The following OPCML variants were observed in gnomAD, a reference collection of about 807,000 sequenced individuals.
The protein encoded by OPCML is opioid-binding protein/cell adhesion molecule.
In OPCML, 13 loss-of-function variants were observed where a neutral mutation model predicts 37.8. The ratio of observed to expected loss-of-function variants is 0.34; its 90% CI spans 0.22 to 0.55. The LOEUF (loss-of-function observed/expected upper bound fraction) is 0.55. OPCML is among the 20% of genes least tolerant of loss of function. The pLI is 0.91. For missense variants in OPCML, 341 were observed against 435.6 expected, an observed-to-expected ratio of 0.78 and a Z score of 1.93; for synonymous variants, 176 against 168.8, an observed-to-expected ratio of 1.04 and a Z score of -0.33.
chr11:133,240,886 C>T (rs965999558), intron 1 of OPCML, among the ~76,000 whole-genome samples: 6 of 152,192 alleles, frequency 3.9e-5, no homozygotes, highest in Non-Finnish European at 7.3e-5. Context: ...AAGTCAGCAC[C>T]CGTGCATCTT....
intron 3 of OPCML, among the ~76,000 whole-genome samples, chr11:132,607,505 C>T (rs986723427): frequency 6.6e-6 from 1 of 152,160 alleles, no homozygotes; most frequent in African/African-American, 2.4e-5. Flanking sequence ...CCTGTGGTTC[C>T]TGTATCCTTG....
At chr11:133,106,054 A>G (rs1949153104) in intron 1 of OPCML, among the ~76,000 whole-genome samples, 1 of 152,200 alleles carries the variant, frequency 6.6e-6, no homozygotes, top group Admixed American at 6.6e-5. Context: ...CATTTTTAAA[A>G]TAACATAATA....
intron 1 of OPCML, among the ~76,000 whole-genome samples, chr11:133,464,030 C>T (rs1946920509): frequency 6.6e-6 from 1 of 151,294 alleles, no homozygotes. Context: ...CATCTTGGTG[C>T]AGAGTTCCAT....
chr11:133,095,954 A>C (rs1266185580), intron 1 of OPCML, among the ~76,000 whole-genome samples: 1 of 152,052 alleles, frequency 6.6e-6, no homozygotes, highest in East Asian at 1.9e-4. Flanking sequence ...CTTTCAAGAA[A>C]TATTAAAGGA....
intron 3 of OPCML, among the ~76,000 whole-genome samples, chr11:132,623,576 A>C (rs1367916623): frequency 3.3e-5 from 5 of 152,118 alleles, no homozygotes; most frequent in Admixed American, 1.3e-4. Flanking sequence ...CGTTATTTTC[A>C]TTTTATTATA....
intron 4 of OPCML, among the ~76,000 whole-genome samples, chr11:132,514,461 G>T (rs1184903675): frequency 6.6e-6 from 1 of 152,132 alleles, no homozygotes; most frequent in Non-Finnish European, 1.5e-5. Context: ...AACACTAGGG[G>T]ATAAGGATGT....
At chr11:132,836,161 T>C (rs1940988682) in intron 2 of OPCML, among the ~76,000 whole-genome samples, 2 of 152,202 alleles carry the variant, frequency 1.3e-5, no homozygotes, top group South Asian at 4.1e-4. Context: ...CAGACATATC[T>C]GAAAAGCTTA....
chr11:132,959,470 T>A (rs1468380777), intron 1 of OPCML, among the ~76,000 whole-genome samples: 1 of 152,196 alleles, frequency 6.6e-6, no homozygotes, highest in African/African-American at 2.4e-5. Flanking sequence ...TGTCTCCAAT[T>A]ATGAAAGAAG....
At chr11:132,465,338 C>G (rs1319117348) in intron 4 of OPCML, among the ~76,000 whole-genome samples, 1 of 152,094 alleles carries the variant, frequency 6.6e-6, no homozygotes, top group Non-Finnish European at 1.5e-5. Context: ...TGAGAATGAC[C>G]CTTTCCTTAT....
At chr11:132,778,957 A>ATTTT (rs1555187726) in intron 2 of OPCML, among the ~76,000 whole-genome samples, 1 of 107,578 alleles carries the variant, frequency 9.3e-6, no homozygotes, top group Non-Finnish European at 2.0e-5. Context: ...GAGGTGGTAT[A>ATTTT]TTTCTTTTTT....
At chr11:132,466,128 G>A (rs1296861380) in intron 4 of OPCML, among the ~76,000 whole-genome samples, 1 of 152,128 alleles carries the variant, frequency 6.6e-6, no homozygotes, top group African/African-American at 2.4e-5. Context: ...AATGTCTCCT[G>A]ATAGAAGACA....
At chr11:132,680,479 T>G (rs57307931) in intron 2 of OPCML, among the ~76,000 whole-genome samples, 4,005 of 152,272 alleles carry the variant, frequency 0.026, 193 homozygotes, top group African/African-American at 0.092. Flanking sequence ...ACAGATCTGA[T>G]GCACTTTCCT....
chr11:133,202,557 C>T (rs1938844298), intron 1 of OPCML, among the ~76,000 whole-genome samples: 1 of 152,200 alleles, frequency 6.6e-6, no homozygotes, highest in African/African-American at 2.4e-5. Context: ...TCTCGCCCTC[C>T]CTCATTTTGC....
chr11:132,943,304 G>A lies in OPCML; in HGVS notation c.62-294C>T. On this transcript the variant is annotated intron_variant, in intron 1 of 7. Transcript: ENST00000524381. The surrounding 1 kb of genome is among the most constrained non-coding windows in gnomAD (Gnocchi z 4.3). ...TCAGCTTTCCAGCCTAGCAGAACCA[G>A]ATGCCCCCTCCTGCATCCAAAAAGA... 1.4e-6 allele frequency: 1 copy of A among 691,802 alleles called. No individual in the cohort carries two copies. Among genetic ancestry groups the A allele is most frequent in the East Asian group, 2.8e-5 (1 of 36,166 alleles). The allele number at this position is 691,802 out of a possible 1,614,324, so 42.9% of individuals were successfully genotyped here.
At chr11:133,442,797 A>T (rs889841386) in intron 1 of OPCML, among the ~76,000 whole-genome samples, 1 of 151,466 alleles carries the variant, frequency 6.6e-6, no homozygotes, top group Non-Finnish European at 1.5e-5. Flanking sequence ...AAGAAGAAAG[A>T]AGAAAAAAGC....
intron 1 of OPCML, among the ~76,000 whole-genome samples, chr11:133,221,178 G>A (rs1939805864): frequency 6.6e-6 from 1 of 152,142 alleles, no homozygotes; most frequent in Non-Finnish European, 1.5e-5. Context: ...CACCCCCTTA[G>A]CAGCTTGGGA....
At chr11:132,956,235 G>A (rs2136708772) in intron 1 of OPCML, among the ~76,000 whole-genome samples, 1 of 152,262 alleles carries the variant, frequency 6.6e-6, no homozygotes, top group African/African-American at 2.4e-5. Flanking sequence ...TACATGGCAA[G>A]AAGTTAATCA....
intron 1 of OPCML, among the ~76,000 whole-genome samples, chr11:133,442,232 T>C (rs910449479): frequency 2.6e-5 from 4 of 152,204 alleles, no homozygotes; most frequent in Non-Finnish European, 2.9e-5. Context: ...GCCATGCTTT[T>C]ATTGTTTTTG....
intron 1 of OPCML, among the ~76,000 whole-genome samples, chr11:132,979,358 C>G (rs1366001010): frequency 2.0e-5 from 3 of 152,206 alleles, no homozygotes; most frequent in Admixed American, 2.0e-4. Flanking sequence ...CCCTGTCTGA[C>G]CTCTCCTCCT....
Sources: allele counts gnomAD v4.1 joint callset (sites outside exome capture counted in the v4.1 genomes callset), GRCh38; gene constraint gnomAD v4.1.1; non-coding constraint Gnocchi (gnomAD v3.1); transcripts MANE v1.5; gene names NCBI Gene and HGNC (gene_info 2026-07-23, HGNC 2026-07-21).